Variants in COL5A3 observed in about 807,000 individuals in gnomAD.
The protein encoded by COL5A3 is collagen alpha-3(V) chain.
COL5A3 carries 172 observed loss-of-function variants against 250.0 expected under a neutral mutation model. The observed-to-expected ratio is 0.69, with a 90% confidence interval of 0.61 to 0.78. The LOEUF (loss-of-function observed/expected upper bound fraction) is 0.78. Among genes scored for constraint, COL5A3 ranks in the 30% least tolerant of loss-of-function variants. The pLI is 0.00. For synonymous variants in COL5A3, 937 were observed against 900.4 expected, an observed-to-expected ratio of 1.04 and a Z score of -0.73; for missense variants, 2,340 against 2,334.4, an observed-to-expected ratio of 1.00 and a Z score of -0.05.
chr19:9,998,333 G>A (rs767813841), intron 8 of COL5A3, among the ~76,000 whole-genome samples, 184 bp from the exon 9 acceptor site: 2 of 152,008 alleles, frequency 1.3e-5, no homozygotes, highest in Non-Finnish European at 2.9e-5. Context: ...CGCATCCACC[G>A]GGCAATGCCA....
intron 64 of COL5A3, among the ~76,000 whole-genome samples, chr19:9,964,836 G>T (rs2086716031): frequency 9.2e-6 from 1 of 108,778 alleles, no homozygotes; most frequent in Non-Finnish European, 1.7e-5. Flanking sequence ...AACCAACGTA[G>T]TGAAACCCCA....
chr19:9,987,221 C>A (rs2087113274), intron 27 of COL5A3, among the ~76,000 whole-genome samples: 13 of 152,190 alleles, frequency 8.5e-5, no homozygotes, highest in Admixed American at 8.5e-4. Context: ...CTGCACTTGG[C>A]TACAACATCT....
rs1011096452 is a variant in COL5A3, at chr19:10,009,520, C to T, written c.88+778G>A. On this transcript the variant is annotated intron_variant, in intron 1 of 66. Coordinates refer to ENST00000264828, the MANE Select transcript of COL5A3 (RefSeq NM_015719.4). The surrounding 1 kb of genome is among the most constrained non-coding windows in gnomAD (Gnocchi z 4.4). ...GGGGGGAGCAACTTCCACTCCTGCC[C>T]CGCCCTGCGCCCCGCCCCGTCTCGC... 1.1e-4 allele frequency among the ~76,000 whole-genome samples: 16 copies of T among 152,006 alleles called. No individual in the cohort carries two copies. The highest frequency in any genetic ancestry group is 3.9e-4 in the African/African-American group (16 of 41,350).
At chr19:9,984,755 G>C (rs1376570742) in intron 31 of COL5A3, among the ~76,000 whole-genome samples, 1 of 151,956 alleles carries the variant, frequency 6.6e-6, no homozygotes, top group African/African-American at 2.4e-5. Flanking sequence ...GGGTAAGAGG[G>C]CATTTGACCC....
At chr19:10,006,379 C>T (rs9789339) in intron 1 of COL5A3, 148 bp from the exon 2 acceptor site, 246,967 of 735,584 alleles carry the variant, frequency 0.34, 45,775 homozygotes, top group East Asian at 0.5. Flanking sequence ...AAGAAGGAGC[C>T]GGCCTGGGCC....
In COL5A3 at chr19:9,960,789, G is replaced by A. The variant is rs1028403659; in HGVS notation, c.4953C>T (p.Cys1651=). Residue 1651 remains cysteine (C), a synonymous_variant, in exon 66 of 67, where the codon TGC becomes TGT. Coordinates refer to ENST00000264828, the MANE Select transcript of COL5A3 (RefSeq NM_015719.4). ...ATARQNFTYS[C]QNAAAWLDEA... ...CGTCCAGCCAGGCAGCTGCATTCTG[G>A]CAGGAGTAGGTGAAGTTCTGGCGAG... The A allele has an allele frequency of 9.9e-6, 16 of 1,613,960 alleles. No homozygotes were observed. Among genetic ancestry groups the A allele is most frequent in the Non-Finnish European group, 1.3e-5 (15 of 1,180,038 alleles).
intron 6 of COL5A3, 120 bp from the exon 7 acceptor site, chr19:10,002,001 C>T: frequency 2.9e-6 from 2 of 682,458 alleles, no homozygotes; most frequent in Non-Finnish European, 2.5e-6. Context: ...GGAGGCTCCC[C>T]AAAGAGCACC....
In COL5A3 at chr19:9,973,948, G is replaced by A. The variant is rs368732205; in HGVS notation, c.3529C>T (p.Arg1177Trp). ...SMGPHGAPGP[R>W]GPQGPTGSEG... is the part of the protein sequence containing the mutation. ...GATCCAGTGGGGCCTTGGGGACCCC[G>A]AGGACCTGGAGCTCCATGGGGACCC... Residue 1177 changes from arginine to tryptophan, a missense_variant, in exon 48 of 67, where the codon CGG (arginine) becomes TGG (tryptophan). Physicochemically the swap from Arg to Trp is moderately radical, Grantham distance 101. This residue lies in a region of COL5A3 where 1,179 missense variants were observed against 1,162.6 expected (regional missense o/e 1.01). Coordinates refer to ENST00000264828, the MANE Select transcript of COL5A3 (RefSeq NM_015719.4). The A allele has an allele frequency of 9.7e-5, 150 of 1,547,866 alleles. No homozygotes were observed. The East Asian group carries it at 1.4e-3, about 14-fold the overall frequency.
intron 5 of COL5A3, 90 bp downstream of exon 5, chr19:10,003,951 G>C: frequency 9.5e-6 from 11 of 1,153,694 alleles, no homozygotes; most frequent in East Asian, 2.3e-5. Context: ...CCATGTCTGG[G>C]GGATGAGAAT....
In COL5A3 at chr19:9,979,244, T is replaced by G. The variant is rs1474990546; in HGVS notation, c.2767-5A>C. On this transcript the variant is annotated splice_region_variant and splice_polypyrimidine_tract_variant and intron_variant, in intron 38 of 66. Coordinates refer to ENST00000264828, the MANE Select transcript of COL5A3 (RefSeq NM_015719.4). ...TCCCACTTCTCCTGTCTTTCCCTGG[T>G]GAGGAAGAAGGCTCCTGTTGAGTGG... 11 of 1,606,794 alleles carry G rather than the reference T, an allele frequency of 6.8e-6. No individual in the cohort carries two copies. In the South Asian group the frequency reaches 9.9e-5, roughly 14 times the overall value.
At chr19:9,986,511 G>GC (rs60604169) in intron 29 of COL5A3, 42 bp downstream of exon 29, 584,394 of 1,609,702 alleles carry the variant, frequency 0.36, 112,216 homozygotes, top group African/African-American at 0.72. Flanking sequence ...TCTTCCCCGA[G>GC]CCCCCAGACC....
intron 54 of COL5A3, among the ~76,000 whole-genome samples, chr19:9,970,225 G>GAT (rs2086816215): frequency 7.9e-5 from 2 of 25,378 alleles, no homozygotes; most frequent in Non-Finnish European, 7.7e-5. Context: ...GTGAGTGGGG[G>GAT]CTGTGGGGTG....
Position 10,001,893 on chromosome 19 carries a change from A to G in COL5A3, c.850-12T>C, listed in dbSNP as rs200576233. 35 of 1,597,974 alleles carry G rather than the reference A, an allele frequency of 2.2e-5. No individual in the cohort carries two copies. In the East Asian group the frequency reaches 7.1e-4, roughly 33 times the overall value. ...ATGTCAGTGGAGGTCTGGAGCAGGG[A>G]TGGAGGGAGCCTTGGGTCTCGGGTG... On this transcript the variant is annotated splice_polypyrimidine_tract_variant and intron_variant, in intron 6 of 66. Transcript: ENST00000264828.
rs751503608 is a variant in COL5A3, at chr19:9,971,164, A to G, written c.3828+41T>C. Reference sequence around the variant, plus strand: ...GTGGGGGTAGGGAGATGGGGACAGAATTAGGAAATATGCCAGGATTGGGGA... The same window carrying G: ...GTGGGGGTAGGGAGATGGGGACAGAGTTAGGAAATATGCCAGGATTGGGGA... On this transcript the variant is annotated intron_variant, in intron 52 of 66. Transcript: ENST00000264828. 90 of 1,511,620 alleles carry G rather than the reference A, an allele frequency of 6.0e-5. 1 individual carries two copies. Among genetic ancestry groups the G allele is most frequent in the Middle Eastern group, 5.2e-4 (3 of 5,808 alleles). The allele number at this position is 1,511,620 out of a possible 1,614,324, so 93.6% of individuals were successfully genotyped here. A position where few individuals can be genotyped will look rare whatever the true frequency, so the allele number is the denominator to read the frequency against.
At position 9,979,349 on chromosome 19, in the gene COL5A3, G is replaced by A. The variant is rs1236997869; in HGVS notation, c.2766+15C>T. 6.2e-7 allele frequency: 1 copy of A among 1,613,886 alleles called. No homozygotes were observed. Among genetic ancestry groups the A allele is most frequent in the African/African-American group, 1.3e-5 (1 of 74,908 alleles). ...CTGGTACAAAACAAGGGAGGTTTAT[G>A]GAGTCCACTCTGACCTGAGGGCCTA... On this transcript the variant is annotated intron_variant, in intron 38 of 66. Transcript: ENST00000264828.
rs768627940 is a variant in COL5A3 at position 9,974,424 on chromosome 19, CAG to C, written c.3343-18_3343-17del. On this transcript the variant is annotated splice_polypyrimidine_tract_variant and intron_variant, in intron 45 of 66. Transcript: ENST00000264828. ...CGTCTGCTCCCTGGAAGAACACAAA[CAG>C]GGGCACATTTAAGGTCTGGGTCAGT... The C allele has an allele frequency of 3.8e-6, 6 of 1,560,314 alleles. No individual in the cohort carries two copies. Among genetic ancestry groups the C allele is most frequent in the African/African-American group, 1.4e-5 (1 of 72,990 alleles).
chr19:10,001,645 G>T lies in COL5A3; in HGVS notation c.989C>A (p.Thr330Asn). The change falls in exon 8 of 67, where the codon ACC (threonine) becomes AAC (asparagine). Residue 330 changes from threonine to asparagine, a missense_variant. Physicochemically the swap from Thr to Asn is moderately conservative, Grantham distance 65 (BLOSUM62 0). Around this residue, in one of 3 missense-constraint regions of COL5A3, gnomAD observed 1,152 missense variants for 1,146.3 expected, o/e 1.00. Transcript: ENST00000264828. ...LERSLDPDSG[T>N]ELGTLETKAA... ...CTTGGTCTCCAGGGTCCCCAGCTCG[G>T]TTCCACTGTCAGGGTCCAAGCTCCT... 1 of 1,613,980 alleles carries T rather than the reference G, an allele frequency of 6.2e-7. No individual in the cohort carries two copies. Among genetic ancestry groups the T allele is most frequent in the Non-Finnish European group, 8.5e-7 (1 of 1,179,998 alleles).
intron 64 of COL5A3, among the ~76,000 whole-genome samples, chr19:9,964,422 A>T (rs918541): frequency 0.2 from 29,763 of 151,984 alleles, 3,093 homozygotes; most frequent in South Asian, 0.33. Context: ...CAACATAGTG[A>T]GACCCTCATC....
In COL5A3 at chr19:9,996,476, G is replaced by A. The variant is rs2087274503; in HGVS notation, c.1379C>T (p.Ser460Leu). Residue 460 changes from serine (S) to leucine (L), a missense_variant, in exon 13 of 67, where the codon TCA (serine) becomes TTA (leucine). Physicochemically the swap from Ser to Leu is moderately radical, Grantham distance 145. Coordinates refer to ENST00000264828, the MANE Select transcript of COL5A3 (RefSeq NM_015719.4). ...TGCCTGAGCCTGGGCCTGCTGGAAT[G>A]AGACTGGGGGGCCTTTAAAGGAGCC... ...AGGSFKGPPV[S>L]FQQAQAQAVL... 3.7e-6 allele frequency: 6 copies of A among 1,614,148 alleles called. No individual in the cohort carries two copies. Among genetic ancestry groups the A allele is most frequent in the Non-Finnish European group, 5.1e-6 (6 of 1,180,014 alleles).
Sources: allele counts gnomAD v4.1 joint callset (sites outside exome capture counted in the v4.1 genomes callset), GRCh38; gene constraint gnomAD v4.1.1; regional missense constraint gnomAD v4.1.1; non-coding constraint Gnocchi (gnomAD v3.1); transcripts MANE v1.5; gene names NCBI Gene and HGNC (gene_info 2026-07-23, HGNC 2026-07-21).